PTPRK: variants seen among roughly 807,000 people sequenced by gnomAD.
The protein encoded by PTPRK is receptor-type tyrosine-protein phosphatase kappa.
A neutral mutation model predicts 178.0 loss-of-function variants in PTPRK; 75 were observed. The ratio of observed to expected loss-of-function variants is 0.42; its 90% CI spans 0.35 to 0.51. PTPRK has a LOEUF of 0.51. Ranked by LOEUF, PTPRK falls within the 20% of genes least tolerant of loss-of-function variation. PTPRK has a pLI of 0.02. For missense variants in PTPRK, 1,441 were observed against 1,797.8 expected, an observed-to-expected ratio of 0.80 and a Z score of 3.59; for synonymous variants, 637 against 620.6, an observed-to-expected ratio of 1.03 and a Z score of -0.39.
chr6:128,340,176 C>G (rs1039229486), intron 2 of PTPRK, among the ~76,000 whole-genome samples: 1 of 152,162 alleles, frequency 6.6e-6, no homozygotes, highest in Non-Finnish European at 1.5e-5. Context: ...CTAAAACAGC[C>G]TCCTAAAATA....
chr6:128,206,949 T>C (rs1320010775), intron 6 of PTPRK, among the ~76,000 whole-genome samples: 4 of 152,156 alleles, frequency 2.6e-5, no homozygotes. Context: ...TGCATAAATA[T>C]GAGGTAATTA....
chr6:128,337,632 C>T (rs972819495), intron 2 of PTPRK, among the ~76,000 whole-genome samples: 2 of 152,176 alleles, frequency 1.3e-5, no homozygotes, highest in Non-Finnish European at 2.9e-5. Flanking sequence ...ATCTGAAATA[C>T]TCTAACAGAT....
At chr6:128,409,052 T>G (rs1023013345) in intron 1 of PTPRK, among the ~76,000 whole-genome samples, 1 of 152,188 alleles carries the variant, frequency 6.6e-6, no homozygotes, top group African/African-American at 2.4e-5. Flanking sequence ...AAGAAGACAG[T>G]GTCATAGGAG....
At chr6:127,993,147 A>G (rs1335265465) in intron 18 of PTPRK, among the ~76,000 whole-genome samples, 2 of 151,776 alleles carry the variant, frequency 1.3e-5, no homozygotes, top group Non-Finnish European at 3.0e-5. Flanking sequence ...GAACATTCCA[A>G]TGTTAGAGCT....
intron 1 of PTPRK, among the ~76,000 whole-genome samples, chr6:128,514,568 T>A (rs1857670188): frequency 1.3e-5 from 2 of 152,288 alleles, no homozygotes; most frequent in South Asian, 4.1e-4. Context: ...CACTGCCCTG[T>A]TCATCATTTT....
chr6:128,368,670 T>G (rs2128347134), intron 2 of PTPRK, among the ~76,000 whole-genome samples: 1 of 152,160 alleles, frequency 6.6e-6, no homozygotes, highest in African/African-American at 2.4e-5. Flanking sequence ...GAGTGAGGGG[T>G]GAGCCATGAC....
chr6:128,334,210 C>A (rs958234510), intron 2 of PTPRK, among the ~76,000 whole-genome samples: 6 of 151,936 alleles, frequency 3.9e-5, no homozygotes, highest in African/African-American at 1.5e-4. Flanking sequence ...GTGAGAATTA[C>A]CAAAATGTTA....
At chr6:128,279,595 T>C (rs902047232) in intron 3 of PTPRK, among the ~76,000 whole-genome samples, 3 of 152,174 alleles carry the variant, frequency 2.0e-5, no homozygotes, top group Non-Finnish European at 4.4e-5. Flanking sequence ...TTTTCCCTTT[T>C]TTAACGTGAA....
intron 9 of PTPRK, among the ~76,000 whole-genome samples, chr6:128,083,467 T>C (rs1785181243): frequency 6.6e-6 from 1 of 152,040 alleles, no homozygotes; most frequent in African/African-American, 2.4e-5. Context: ...CCTGCTTCCC[T>C]AAATCAACAA....
chr6:128,119,541 C>G (rs1404477165), intron 7 of PTPRK, among the ~76,000 whole-genome samples: 1 of 152,022 alleles, frequency 6.6e-6, no homozygotes, highest in East Asian at 1.9e-4. Flanking sequence ...AATAGTGCTG[C>G]TGACTTTGCC....
chr6:128,157,203 G>C (rs1465195204), intron 7 of PTPRK, among the ~76,000 whole-genome samples: 2 of 151,960 alleles, frequency 1.3e-5, no homozygotes, highest in African/African-American at 4.8e-5. Flanking sequence ...GAATTAATAA[G>C]CTTTCATGTC....
intron 1 of PTPRK, among the ~76,000 whole-genome samples, chr6:128,458,393 G>C (rs1848641614): frequency 6.6e-6 from 1 of 152,140 alleles, no homozygotes; most frequent in Non-Finnish European, 1.5e-5. Flanking sequence ...TTACAGATAT[G>C]AGTATGCAGT....
intron 2 of PTPRK, among the ~76,000 whole-genome samples, chr6:128,337,460 G>C (rs1831092401): frequency 6.6e-6 from 1 of 152,152 alleles, no homozygotes; most frequent in Non-Finnish European, 1.5e-5. Flanking sequence ...AAGTGGAGAA[G>C]GGTTAAGTAA....
intron 2 of PTPRK, among the ~76,000 whole-genome samples, chr6:128,338,236 T>C (rs369244292): frequency 1.3e-5 from 2 of 151,996 alleles, no homozygotes; most frequent in East Asian, 1.9e-4. Context: ...TGGCAGTCAA[T>C]AGAGGAAAAA....
intron 1 of PTPRK, among the ~76,000 whole-genome samples, chr6:128,400,942 G>C (rs1424925006): frequency 9.9e-5 from 15 of 152,170 alleles, no homozygotes. Flanking sequence ...GTTAGGCAGA[G>C]GGAAAGAAAA....
At chr6:128,462,206 AAG>A (rs1849137916) in intron 1 of PTPRK, among the ~76,000 whole-genome samples, 1 of 152,152 alleles carries the variant, frequency 6.6e-6, no homozygotes, top group Admixed American at 6.5e-5. Flanking sequence ...AAGGTGTCTT[AAG>A]AGAGTTAGTA....
rs529369374 is a variant in PTPRK, at chr6:128,356,597, T to C, written c.224-34287A>G. On this transcript the variant is annotated intron_variant, in intron 2 of 29. Coordinates refer to ENST00000368226, the MANE Select transcript of PTPRK (RefSeq NM_002844.4). ...CTACTTCTCTGATGACCCTCTTCAA[T>C]TTTCTTATTAATGTCTCTTTCTCTG... 3.9e-5 allele frequency among the ~76,000 whole-genome samples: 6 copies of C among 152,352 alleles called. No individual in the cohort carries two copies. In the South Asian group the frequency reaches 1.2e-3, roughly 32 times the overall value.
intron 1 of PTPRK, among the ~76,000 whole-genome samples, chr6:128,487,555 G>A (rs1381481317): frequency 3.3e-5 from 5 of 151,856 alleles, no homozygotes; most frequent in Non-Finnish European, 7.4e-5. Flanking sequence ...TCCCTAAAGA[G>A]CCTCATTCCA....
intron 2 of PTPRK, among the ~76,000 whole-genome samples, chr6:128,365,574 C>G (rs1835366515): frequency 6.6e-6 from 1 of 152,066 alleles, no homozygotes; most frequent in African/African-American, 2.4e-5. Context: ...TACTAACATG[C>G]TATAAGTTCC....
Sources: allele counts gnomAD v4.1 joint callset (sites outside exome capture counted in the v4.1 genomes callset), GRCh38; gene constraint gnomAD v4.1.1; transcripts MANE v1.5; gene names NCBI Gene and HGNC (gene_info 2026-07-23, HGNC 2026-07-21).